Variants in ATG4A observed in about 807,000 individuals in gnomAD.
ATG4A encodes autophagy related 4A cysteine peptidase.
A neutral mutation model predicts 38.4 loss-of-function variants in ATG4A; 22 were observed. That is an observed-to-expected ratio of 0.57 (90% confidence interval 0.41 to 0.82). The LOEUF (loss-of-function observed/expected upper bound fraction) is 0.82. Ranked by LOEUF, ATG4A falls within the 40% of genes least tolerant of loss-of-function variation. ATG4A has a pLI of 0.00. For synonymous variants in ATG4A, 86 were observed against 100.7 expected (o/e 0.85, Z 0.88); for missense variants, 220 against 290.0 (o/e 0.76, Z 1.75).
chrX:108,088,883 A>C, upstream of ATG4A: 1 of 1,049,516 alleles, frequency 9.5e-7, no homozygotes, highest in Non-Finnish European at 1.3e-6. Context: ...ACATTCTTGA[A>C]ATAGAAGGCA....
intron 6 of ATG4A, among the ~76,000 whole-genome samples, chrX:108,135,202 C>G (rs959813057): frequency 8.9e-6 from 1 of 112,190 alleles, no homozygotes; most frequent in Non-Finnish European, 1.9e-5. Context: ...TTGTATTTAT[C>G]TTGTTCACTC....
intron 3 of ATG4A, among the ~76,000 whole-genome samples, chrX:108,129,454 T>G (rs964173570): frequency 8.9e-6 from 1 of 111,928 alleles, no homozygotes; most frequent in African/African-American, 3.2e-5. Flanking sequence ...ATCATGGCCC[T>G]GTAGGAAAAG....
intron 11 of ATG4A, 109 bp downstream of exon 11, chrX:108,151,967 T>C (rs2033600189): frequency 1.4e-6 from 1 of 724,068 alleles, no homozygotes; most frequent in Non-Finnish European, 2.0e-6. Flanking sequence ...ACGACTTTAC[T>C]GCAAGAGAAA....
chrX:108,091,917 G>T, intron 1 of ATG4A, 81 bp downstream of exon 1: 2 of 1,192,799 alleles, frequency 1.7e-6, no homozygotes, highest in Admixed American at 2.3e-5. Flanking sequence ...TCGGCCATAT[G>T]AAACAGGTTC....
At chrX:108,126,228 G>GT (rs1356867707) in intron 2 of ATG4A, 41 bp downstream of exon 2, 5 of 985,385 alleles carry the variant, frequency 5.1e-6, no homozygotes, top group Non-Finnish European at 7.2e-6. Context: ...CCCAGATGAG[G>GT]TAGGCACCTG....
At chrX:108,142,386 A>T (rs1236726381) in intron 9 of ATG4A, among the ~76,000 whole-genome samples, 2 of 110,297 alleles carry the variant, frequency 1.8e-5, no homozygotes, top group East Asian at 2.8e-4. Flanking sequence ...GTGCCACTGC[A>T]CTCCAGCCTG....
At chrX:108,137,772 A>G (rs374238990) in intron 7 of ATG4A, 32 bp from the exon 8 acceptor site, 40 of 1,122,114 alleles carry the variant, frequency 3.6e-5, no homozygotes, top group Middle Eastern at 5.0e-4. Context: ...AAGACTCCTT[A>G]CTTATCCAAT....
chrX:108,090,309 G>A (rs1261131893), upstream of ATG4A, among the ~76,000 whole-genome samples: 1 of 111,933 alleles, frequency 8.9e-6, no homozygotes, highest in Non-Finnish European at 1.9e-5. Flanking sequence ...GGAACCAGAC[G>A]AGATCCATAA....
At chrX:108,096,880 A>G (rs1017038188) in intron 1 of ATG4A, among the ~76,000 whole-genome samples, 1 of 110,203 alleles carries the variant, frequency 9.1e-6, no homozygotes, top group Non-Finnish European at 1.9e-5. Flanking sequence ...GTTGCTGTTT[A>G]TGTCCATTAA....
intron 1 of ATG4A, among the ~76,000 whole-genome samples, chrX:108,101,695 G>T (rs2147961474): frequency 9.2e-6 from 1 of 108,864 alleles, no homozygotes; most frequent in Non-Finnish European, 1.9e-5. Context: ...TTTTCATCTT[G>T]AATGACTGAA....
chrX:108,112,182 G>T (rs1055651378), intron 1 of ATG4A, among the ~76,000 whole-genome samples: 3 of 111,106 alleles, frequency 2.7e-5, no homozygotes, highest in Non-Finnish European at 5.7e-5. Context: ...ATGTATAATT[G>T]AATTATTATT....
intron 1 of ATG4A, among the ~76,000 whole-genome samples, chrX:108,102,937 T>G (rs2147963237): frequency 9.1e-6 from 1 of 110,115 alleles, no homozygotes; most frequent in African/African-American, 3.3e-5. Context: ...ACCCATCACC[T>G]AGGTATTAAG....
upstream of ATG4A, chrX:108,088,870 G>A (rs746183165): frequency 9.1e-7 from 1 of 1,098,881 alleles, no homozygotes; most frequent in Non-Finnish European, 1.2e-6. Context: ...AGCAGTAATA[G>A]AAACATTCTT....
intron 3 of ATG4A, among the ~76,000 whole-genome samples, chrX:108,130,069 T>C (rs1163674574): frequency 1.8e-5 from 2 of 110,953 alleles, no homozygotes; most frequent in Admixed American, 1.9e-4. Flanking sequence ...GTGGGCCTCA[T>C]TGCATCTTTT....
chrX:108,120,683 T>C (rs1180046421), intron 1 of ATG4A, among the ~76,000 whole-genome samples: 1 of 112,009 alleles, frequency 8.9e-6, no homozygotes, highest in African/African-American at 3.2e-5. Context: ...AAATTATCTA[T>C]GGCCTGATTA....
upstream of ATG4A, chrX:108,088,900 CAAGA>C (rs2031530554): frequency 1.0e-6 from 1 of 969,734 alleles, no homozygotes. Context: ...GGCAAAAAAG[CAAGA>C]AAAAAAATAC....
chrX:108,116,077 T>A (rs1380216849), intron 1 of ATG4A, among the ~76,000 whole-genome samples: 1 of 111,479 alleles, frequency 9.0e-6, no homozygotes, highest in East Asian at 2.8e-4. Flanking sequence ...TTGGATGGGG[T>A]CAAATTGTCT....
intron 9 of ATG4A, among the ~76,000 whole-genome samples, chrX:108,140,880 A>G (rs1437560722): frequency 1.0e-5 from 1 of 96,889 alleles, no homozygotes; most frequent in Non-Finnish European, 2.0e-5. Flanking sequence ...AATGTATTAC[A>G]TATACAAATA....
intron 6 of ATG4A, among the ~76,000 whole-genome samples, chrX:108,134,765 TAAGC>T (rs1461479635): frequency 1.8e-5 from 2 of 112,035 alleles, no homozygotes; most frequent in Non-Finnish European, 3.8e-5. Flanking sequence ...TAAGCCAGCC[TAAGC>T]AAGAAATGGA....
Sources: gnomAD v4.1 joint callset for allele counts (sites outside exome capture counted in the v4.1 genomes callset) on GRCh38, gnomAD v4.1.1 for gene constraint, MANE v1.5 for transcripts, NCBI Gene and HGNC (gene_info 2026-07-23, HGNC 2026-07-21) for gene names.